The following PTCHD4 variants were observed in gnomAD, a reference collection of about 807,000 sequenced individuals.
The protein encoded by PTCHD4 is patched domain-containing protein 4.
PTCHD4 carries 33 observed loss-of-function variants against 58.1 expected under a neutral mutation model. That is an observed-to-expected ratio of 0.57 (90% CI 0.43 to 0.76). The LOEUF (loss-of-function observed/expected upper bound fraction) is 0.76, where lower values mean the gene tolerates loss of function less well. Ranked by LOEUF, PTCHD4 falls within the 30% of genes least tolerant of loss-of-function variation. The pLI, the probability that PTCHD4 is intolerant of heterozygous loss-of-function variation, is 0.00. For synonymous variants in PTCHD4, 478 were observed against 409.6 expected, an observed-to-expected ratio of 1.17 and a Z score of -2.02; for missense variants, 1,058 against 1,027.1, an observed-to-expected ratio of 1.03 and a Z score of -0.41.
At chr6:47,943,816 G>A (rs981384436) in intron 4 of PTCHD4, among the ~76,000 whole-genome samples, 59 of 152,062 alleles carry the variant, frequency 3.9e-4, no homozygotes, top group African/African-American at 1.4e-3. Flanking sequence ...CGAAAATCAG[G>A]CATTTGAACA....
At chr6:48,051,485 A>G (rs1764233658) in intron 3 of PTCHD4, among the ~76,000 whole-genome samples, 2 of 152,028 alleles carry the variant, frequency 1.3e-5, no homozygotes, top group Admixed American at 1.3e-4. Flanking sequence ...AAAAAAGACC[A>G]AAGGGAGGAT....
rs1298689951 is a variant in PTCHD4 at position 47,864,998 on chromosome 6, G to A, written c.*13305C>T. Among the ~76,000 whole-genome samples the A allele has an allele frequency of 1.3e-5, 2 of 151,830 alleles. No homozygotes were observed. The highest frequency in any genetic ancestry group is 2.9e-5 in the Non-Finnish European group (2 of 67,896). ...GACTGCAGAGCAGATCTCTGATTGTGGGAGGAACAGTGATCTTGTTTCTAA... is the reference window on the plus strand; with the variant it reads ...GACTGCAGAGCAGATCTCTGATTGTAGGAGGAACAGTGATCTTGTTTCTAA... On this transcript the variant is annotated 3_prime_UTR_variant, in exon 5 of 5. Transcript: ENST00000339488.
chr6:47,954,546 T>C (rs1331984589), intron 4 of PTCHD4, among the ~76,000 whole-genome samples: 4 of 152,182 alleles, frequency 2.6e-5, no homozygotes, highest in Non-Finnish European at 5.9e-5. Context: ...TAGTGATAGA[T>C]GGACATGAAC....
In PTCHD4 at chr6:48,068,679, A is replaced by T. The variant is rs1210715503; in HGVS notation, c.6-38T>A. On this transcript the variant is annotated intron_variant, in intron 2 of 4. Coordinates refer to ENST00000339488, the MANE Select transcript of PTCHD4 (RefSeq NM_001384253.1). This position sits in a 1 kb window ranked among gnomAD's most constrained non-coding sequence, Gnocchi z 4.2. ...ATGTGACATGTGTAAGCGCCGGGCTACCCCGTTCTCCCCCATCCCACCCCC... is the reference window on the plus strand; with the variant it reads ...ATGTGACATGTGTAAGCGCCGGGCTTCCCCGTTCTCCCCCATCCCACCCCC... 1 of 1,505,432 alleles carries T rather than the reference A, an allele frequency of 6.6e-7. No individual in the cohort carries two copies. The highest frequency in any genetic ancestry group is 1.4e-5 in the African/African-American group (1 of 72,190). 93.3% of individuals were successfully genotyped at this position (1,505,432 alleles called of 1,614,324 possible).
intron 3 of PTCHD4, among the ~76,000 whole-genome samples, chr6:48,013,609 A>G (rs1223832433): frequency 6.6e-6 from 1 of 151,970 alleles, no homozygotes; most frequent in Non-Finnish European, 1.5e-5. Flanking sequence ...CTGCTCTTTA[A>G]GTTGACACTA....
At chr6:48,032,762 G>T (rs991208968) in intron 3 of PTCHD4, among the ~76,000 whole-genome samples, 3 of 152,038 alleles carry the variant, frequency 2.0e-5, no homozygotes, top group African/African-American at 7.2e-5. Context: ...AGTTAGAATT[G>T]ACATAATAAT....
intron 4 of PTCHD4, among the ~76,000 whole-genome samples, chr6:47,978,174 T>C (rs922349854): frequency 2.7e-4 from 41 of 152,260 alleles, no homozygotes; most frequent in African/African-American, 9.9e-4. Flanking sequence ...CTTGATTCTT[T>C]TAGGATTTCC....
chr6:47,998,597 A>C (rs1168197253), intron 4 of PTCHD4, among the ~76,000 whole-genome samples: 1 of 152,216 alleles, frequency 6.6e-6, no homozygotes, highest in Non-Finnish European at 1.5e-5. Flanking sequence ...ATTCCAAAGA[A>C]GATGTAGAAC....
chr6:47,967,545 T>C (rs1767339126), intron 4 of PTCHD4, among the ~76,000 whole-genome samples: 1 of 152,246 alleles, frequency 6.6e-6, no homozygotes, highest in Admixed American at 6.5e-5. Context: ...TCTTTAGCTA[T>C]GAAAGTCCTA....
At chr6:47,922,141 G>GA (rs569502667) in intron 4 of PTCHD4, among the ~76,000 whole-genome samples, 6 of 151,362 alleles carry the variant, frequency 4.0e-5, no homozygotes, top group South Asian at 2.1e-4. Flanking sequence ...TGTCTTAAAA[G>GA]AAAAAAAAGT....
At position 47,862,126 on chromosome 6, in the gene PTCHD4, T is replaced by G. The variant is rs963748133; in HGVS notation, c.*16177A>C. On this transcript the variant is annotated 3_prime_UTR_variant, in exon 5 of 5. Coordinates refer to ENST00000339488, the MANE Select transcript of PTCHD4 (RefSeq NM_001384253.1). ...CTTACATATTGTGTGTAACTCTGAT[T>G]GGAGTTTCAGCACTTCTTTATTGTA... Among the ~76,000 whole-genome samples, 3 of 151,938 alleles carry G rather than the reference T, an allele frequency of 2.0e-5. No individual in the cohort carries two copies. The highest frequency in any genetic ancestry group is 4.4e-5 in the Non-Finnish European group (3 of 67,868).
intron 4 of PTCHD4, among the ~76,000 whole-genome samples, chr6:48,004,301 C>G (rs940573956): frequency 6.6e-6 from 1 of 152,096 alleles, no homozygotes. Flanking sequence ...CCTGTGGTGT[C>G]AAGCTGACTG....
intron 1 of PTCHD4, among the ~76,000 whole-genome samples, chr6:48,094,029 ATTG>A (rs745430596): frequency 7.9e-5 from 12 of 152,212 alleles, no homozygotes; most frequent in Non-Finnish European, 1.2e-4. Context: ...GTGCATATGA[ATTG>A]TTATGGGAAC....
At chr6:48,097,994 T>C (rs1263782955) in intron 1 of PTCHD4, among the ~76,000 whole-genome samples, 1 of 152,146 alleles carries the variant, frequency 6.6e-6, no homozygotes, top group Non-Finnish European at 1.5e-5. Flanking sequence ...AAGTTCTTGA[T>C]TAGTAGTTGA....
intron 3 of PTCHD4, among the ~76,000 whole-genome samples, chr6:48,045,756 T>A (rs992409374): frequency 1.3e-5 from 2 of 151,580 alleles, no homozygotes; most frequent in Admixed American, 1.3e-4. Context: ...CAAGTTGGTC[T>A]GATTCCAGAG....
chr6:48,004,135 T>C (rs1202841447), intron 4 of PTCHD4, among the ~76,000 whole-genome samples: 1 of 152,206 alleles, frequency 6.6e-6, no homozygotes, highest in East Asian at 1.9e-4. Context: ...CAATGCCTTT[T>C]ACTTCAGAAC....
At chr6:48,085,185 A>C (rs1765239769) in intron 1 of PTCHD4, among the ~76,000 whole-genome samples, 1 of 152,210 alleles carries the variant, frequency 6.6e-6, no homozygotes, top group Admixed American at 6.5e-5. Flanking sequence ...TATTTTCTGC[A>C]AAGTACCTGC....
intron 4 of PTCHD4, among the ~76,000 whole-genome samples, chr6:47,955,198 AAAC>A (rs1173241173): frequency 6.6e-6 from 1 of 152,254 alleles, no homozygotes; most frequent in Non-Finnish European, 1.5e-5. Context: ...TAGGTAACTG[AAAC>A]AATAAGAAAA....
chr6:48,000,915 C>A (rs117670802), intron 4 of PTCHD4, among the ~76,000 whole-genome samples: 2 of 151,998 alleles, frequency 1.3e-5, no homozygotes. Flanking sequence ...CAAAATCCCT[C>A]GAAAGAACAA....
Sources: gnomAD v4.1 joint callset for allele counts (sites outside exome capture counted in the v4.1 genomes callset) on GRCh38, gnomAD v4.1.1 for gene constraint, Gnocchi (gnomAD v3.1) non-coding constraint, MANE v1.5 for transcripts, NCBI Gene and HGNC (gene_info 2026-07-23, HGNC 2026-07-21) for gene names.